The following SPA17 variants were observed in gnomAD, a reference collection of about 807,000 sequenced individuals.
SPA17 encodes sperm surface protein Sp17.
Under a neutral mutation model 13.8 loss-of-function variants are expected in SPA17, and 7 were observed. The ratio of observed to expected loss-of-function variants is 0.51; its 90% CI spans 0.29 to 0.95. SPA17 has a LOEUF of 0.95. SPA17 is among the 40% of genes least tolerant of loss of function. The pLI is 0.08. For missense variants in SPA17, 170 were observed against 179.3 expected, an observed-to-expected ratio of 0.95 and a Z score of 0.30; for synonymous variants, 61 against 59.0, an observed-to-expected ratio of 1.03 and a Z score of -0.16.
At chr11:124,689,836 G>A (rs1323788164) in intron 3 of SPA17, among the ~76,000 whole-genome samples, 1 of 151,882 alleles carries the variant, frequency 6.6e-6, no homozygotes, top group Non-Finnish European at 1.5e-5. Flanking sequence ...AAGACATACA[G>A]ATGTCCAACA....
intron 2 of SPA17, among the ~76,000 whole-genome samples, chr11:124,677,595 C>T (rs1943483112): frequency 6.6e-6 from 1 of 152,168 alleles, no homozygotes; most frequent in South Asian, 2.1e-4. Flanking sequence ...AGCTAAATTG[C>T]TTTAATTGCT....
intron 3 of SPA17, among the ~76,000 whole-genome samples, chr11:124,691,427 AC>A: frequency 6.6e-6 from 1 of 152,342 alleles, no homozygotes; most frequent in East Asian, 1.9e-4. Context: ...TTAACATAAA[AC>A]AGTGGTACAC....
At chr11:124,684,766 GCT>G (rs1303702664) in intron 3 of SPA17, among the ~76,000 whole-genome samples, 3 of 152,192 alleles carry the variant, frequency 2.0e-5, no homozygotes, top group Admixed American at 6.5e-5. Flanking sequence ...CAAAGTCCAG[GCT>G]AAGGTGGTCT....
intron 2 of SPA17, among the ~76,000 whole-genome samples, chr11:124,680,247 A>G (rs1565423823): frequency 6.6e-6 from 1 of 152,202 alleles, no homozygotes; most frequent in African/African-American, 2.4e-5. Context: ...AAATTTTATG[A>G]CAGAATTACA....
intron 2 of SPA17, among the ~76,000 whole-genome samples, chr11:124,679,283 C>T (rs749226157): frequency 1.3e-5 from 2 of 151,010 alleles, no homozygotes; most frequent in African/African-American, 4.9e-5. Context: ...ATGCCTAGTG[C>T]ATATATCCTA....
intron 2 of SPA17, 134 bp downstream of exon 2, chr11:124,675,552 T>C: frequency 1.1e-6 from 1 of 906,856 alleles, no homozygotes; most frequent in Non-Finnish European, 1.6e-6. Flanking sequence ...CAGTTCTTGC[T>C]CTTTGAAACA....
At chr11:124,678,753 A>C (rs1014656171) in intron 2 of SPA17, among the ~76,000 whole-genome samples, 1 of 151,956 alleles carries the variant, frequency 6.6e-6, no homozygotes, top group Non-Finnish European at 1.5e-5. Flanking sequence ...GTTTTGGCAG[A>C]GACAGGGTTT....
intron 2 of SPA17, among the ~76,000 whole-genome samples, chr11:124,679,503 A>G (rs1027799985): frequency 2.0e-5 from 3 of 152,218 alleles, no homozygotes; most frequent in Admixed American, 6.5e-5. Context: ...AGGTTAATAA[A>G]ATCCTGTAAT....
rs1943441033 is a variant in SPA17, at chr11:124,674,993, A to C, written c.-27-245A>C. On this transcript the variant is annotated intron_variant, in intron 1 of 4. Transcript: ENST00000227135. ...TAAAGAGAGAAAAAGTCATATTGAA[A>C]ATTATGGGTTTTTTGCAGGATTTTA... 2.6e-5 allele frequency: 7 copies of C among 265,150 alleles called. No homozygotes were observed. In the Admixed American group the frequency reaches 3.6e-4, roughly 13 times the overall value. The allele number at this position is 265,150 out of a possible 1,614,324, so 16.4% of individuals were successfully genotyped here. A position where few individuals can be genotyped will look rare whatever the true frequency, so the allele number is the denominator to read the frequency against.
rs1205781198 is a variant in SPA17, at chr11:124,697,128, A to C, written c.*2682A>C. The C allele has an allele frequency of 6.6e-6, 1 of 152,252 alleles. No homozygotes were observed. The highest frequency in any genetic ancestry group is 1.9e-4 in the East Asian group (1 of 5,208). The allele number at this position is 152,252 out of a possible 1,614,324, so 9.4% of individuals were successfully genotyped here. On this transcript the variant is annotated 3_prime_UTR_variant, in exon 5 of 5. Transcript: ENST00000227135. ...CTTCCATTGTTACCGCCTTGGTCCT[A>C]GTTCCCATGATAGCCTTGTGAATTA... is the stretch of plus-strand genomic sequence containing the variant.
Position 124,694,412 on chromosome 11 carries a change from G to C in SPA17, c.422G>C (p.Ser141Thr). The stretch of plus-strand genomic sequence containing the variant: ...GAGGCAAAGAAAATGAAAACAAATA[G>C]TCTTCAAAATGAGGAAAAAGAGGAA... ...REEAKKMKTNSLQNEEKEENK is the reference protein window; with the variant it reads ...REEAKKMKTNTLQNEEKEENK Residue 141 changes from serine to threonine, a missense_variant, in exon 5 of 5, where the codon AGT becomes ACT. Coordinates refer to ENST00000227135, the MANE Select transcript of SPA17 (RefSeq NM_017425.4). 6.2e-7 allele frequency: 1 copy of C among 1,613,266 alleles called. No homozygotes were observed. Among genetic ancestry groups the C allele is most frequent in the South Asian group, 1.1e-5 (1 of 90,798 alleles).
intron 4 of SPA17, among the ~76,000 whole-genome samples, chr11:124,692,029 T>C (rs1468981888): frequency 6.6e-6 from 1 of 152,092 alleles, no homozygotes; most frequent in Non-Finnish European, 1.5e-5. Flanking sequence ...GATGGAAAAA[T>C]CTCCCTATGG....
At chr11:124,677,248 G>GA (rs945022518) in intron 2 of SPA17, among the ~76,000 whole-genome samples, 4 of 151,494 alleles carry the variant, frequency 2.6e-5, no homozygotes, top group South Asian at 4.2e-4. Context: ...CTTCAAAAAG[G>GA]AAAAAAAACA....
intron 2 of SPA17, among the ~76,000 whole-genome samples, chr11:124,676,945 T>C (rs1371605159): frequency 6.6e-6 from 1 of 152,220 alleles, no homozygotes; most frequent in Non-Finnish European, 1.5e-5. Context: ...AGGTGAATTA[T>C]AATGAACATC....
intron 3 of SPA17, among the ~76,000 whole-genome samples, chr11:124,686,757 T>C (rs1943582154): frequency 1.3e-5 from 2 of 152,000 alleles, no homozygotes; most frequent in South Asian, 4.2e-4. Flanking sequence ...AAATGAAAAC[T>C]GGAAACACAA....
At chr11:124,675,075 A>G (rs1943442906) in intron 1 of SPA17, 163 bp from the exon 2 acceptor site, 1 of 605,296 alleles carries the variant, frequency 1.7e-6, no homozygotes, top group Non-Finnish European at 2.7e-6. Flanking sequence ...CACAATGGAG[A>G]TTTCAAAACT....
At chr11:124,693,935 C>T (rs1943647775) in intron 4 of SPA17, among the ~76,000 whole-genome samples, 2 of 152,070 alleles carry the variant, frequency 1.3e-5, no homozygotes, top group Non-Finnish European at 1.5e-5. Flanking sequence ...TATTTTGAAA[C>T]ATAACATTTA....
chr11:124,687,928 G>A (rs570439521), intron 3 of SPA17, among the ~76,000 whole-genome samples: 8 of 152,060 alleles, frequency 5.3e-5, no homozygotes, highest in Admixed American at 1.3e-4. Context: ...ACTGGAAGTC[G>A]TAGCCAGAGC....
chr11:124,675,774 T>C (rs1322643385), intron 2 of SPA17: 1 of 167,776 alleles, frequency 6.0e-6, no homozygotes, highest in African/African-American at 2.4e-5. Context: ...TTCCTATGCA[T>C]CCCTGGCAGC....
Sources: gnomAD v4.1 joint callset for allele counts (sites outside exome capture counted in the v4.1 genomes callset) on GRCh38, gnomAD v4.1.1 for gene constraint, MANE v1.5 for transcripts, NCBI Gene and HGNC (gene_info 2026-07-23, HGNC 2026-07-21) for gene names.